KDM1B: variants seen among roughly 807,000 people sequenced by gnomAD.
KDM1B encodes the protein lysine demethylase 1B.
Under a neutral mutation model 107.4 loss-of-function variants are expected in KDM1B, and 63 were observed. The ratio of observed to expected loss-of-function variants is 0.59; its 90% CI spans 0.48 to 0.72. The LOEUF (loss-of-function observed/expected upper bound fraction) is 0.72, where lower values mean the gene tolerates loss of function less well. Among genes scored for constraint, KDM1B ranks in the 30% least tolerant of loss-of-function variants. The pLI is 0.00. For missense variants in KDM1B, 749 were observed against 1,020.8 expected, an observed-to-expected ratio of 0.73 and a Z score of 3.63; for synonymous variants, 363 against 363.9, an observed-to-expected ratio of 1.00 and a Z score of 0.03.
At chr6:18,202,451 G>A (rs957731509) in intron 14 of KDM1B, among the ~76,000 whole-genome samples, 4 of 152,050 alleles carry the variant, frequency 2.6e-5, no homozygotes, top group Non-Finnish European at 5.9e-5. Flanking sequence ...TACTTAAATG[G>A]GCAATATTAG....
rs1393127768 is a variant in KDM1B at position 18,172,227 on chromosome 6, T to A, written c.534+748T>A. Among the ~76,000 whole-genome samples, 1 of 152,202 alleles carries A rather than the reference T, an allele frequency of 6.6e-6. No homozygotes were observed. Among genetic ancestry groups the A allele is most frequent in the Non-Finnish European group, 1.5e-5 (1 of 68,034 alleles). On this transcript the variant is annotated intron_variant, in intron 7 of 21. Transcript: ENST00000650836. This position sits in a 1 kb window ranked among gnomAD's most constrained non-coding sequence, Gnocchi z 5.2. ...TGAAATTTGGCAATTACTTACTGTT[T>A]AAAAACCTATTATTATTGCTTTAGT...
Position 18,197,309 on chromosome 6 carries a change from A to G in KDM1B, c.1146+76A>G, listed in dbSNP as rs1333085205. ...CTAGTCTGTTGCTGTTAATAAATAT[A>G]GTAAAAGCCACATTATCACCATAAA... On this transcript the variant is annotated intron_variant, in intron 11 of 21. Coordinates refer to ENST00000650836, the MANE Select transcript of KDM1B (RefSeq NM_001364614.2). This position sits in a 1 kb window ranked among gnomAD's most constrained non-coding sequence, Gnocchi z 4.5. The G allele has an allele frequency of 6.1e-6, 8 of 1,315,458 alleles. No individual in the cohort carries two copies. The highest frequency in any genetic ancestry group is 8.4e-6 in the Non-Finnish European group (8 of 953,264). 81.5% of individuals were successfully genotyped at this position (1,315,458 alleles called of 1,614,324 possible).
chr6:18,199,027 AAAAAAAG>A (rs1262273007), intron 12 of KDM1B, among the ~76,000 whole-genome samples: 42 of 146,744 alleles, frequency 2.9e-4, no homozygotes, highest in African/African-American at 1.1e-3. Context: ...AAAAAAAAAA[AAAAAAAG>A]AAAAAAACAG....
intron 5 of KDM1B, among the ~76,000 whole-genome samples, chr6:18,163,765 C>T (rs1410371697): frequency 6.6e-6 from 1 of 152,132 alleles, no homozygotes; most frequent in Non-Finnish European, 1.5e-5. Context: ...TAGTTTAGTT[C>T]AGCAATGGTC....
rs191839338 is a variant in KDM1B at position 18,168,108 on chromosome 6, G to A, written c.417+1730G>A. ...ATAAGTAATGCTGAGCTTTGTGCAC[G>A]CTTAAAGATTTTTTCATTGAAGTAA... On this transcript the variant is annotated intron_variant, in intron 6 of 21. Coordinates refer to ENST00000650836, the MANE Select transcript of KDM1B (RefSeq NM_001364614.2). 4.6e-5 allele frequency among the ~76,000 whole-genome samples: 7 copies of A among 152,228 alleles called. No individual in the cohort carries two copies. The East Asian group carries it at 9.6e-4, about 21-fold the overall frequency.
At chr6:18,161,201 A>G in intron 3 of KDM1B, 126 bp from the exon 4 acceptor site, 2 of 763,990 alleles carry the variant, frequency 2.6e-6, no homozygotes, top group South Asian at 3.4e-5. Flanking sequence ...TGTCATCCCT[A>G]ACCTACTGCC....
intron 8 of KDM1B, among the ~76,000 whole-genome samples, chr6:18,187,323 G>A (rs1304564740): frequency 2.0e-5 from 3 of 152,208 alleles, no homozygotes; most frequent in South Asian, 4.1e-4. Flanking sequence ...TTGGCAAAAA[G>A]CGGTAATACT....
rs1561941528 is a variant in KDM1B at position 18,200,426 on chromosome 6, TC to T, written c.1222-12del. 6.2e-7 allele frequency: 1 copy of T among 1,612,592 alleles called. No individual in the cohort carries two copies. Among genetic ancestry groups the T allele is most frequent in the Non-Finnish European group, 8.5e-7 (1 of 1,179,390 alleles). ...GTGTCCTATTTAGCTTCCCTGACTG[TC>T]TGTCTTTTTAGGTGACTGTCCTGGA... On this transcript the variant is annotated splice_polypyrimidine_tract_variant and intron_variant, in intron 12 of 21. Transcript: ENST00000650836. This position sits in a 1 kb window ranked among gnomAD's most constrained non-coding sequence, Gnocchi z 4.3.
rs1253743583 is a variant in KDM1B at position 18,222,264 on chromosome 6, T to C, written c.*272T>C. On this transcript the variant is annotated 3_prime_UTR_variant, in exon 22 of 22. Transcript: ENST00000650836. ...GAATAAAGCAGAATGTAAGTTTCAG[T>C]TGAGGCCATGGATTTGATTGTTCCA... 7 of 543,196 alleles carry C rather than the reference T, an allele frequency of 1.3e-5. No homozygotes were observed. The highest frequency in any genetic ancestry group is 3.8e-5 in the African/African-American group (2 of 53,168). The allele number at this position is 543,196 out of a possible 1,614,324, so 33.6% of individuals were successfully genotyped here.
At chr6:18,188,052 C>T (rs1031565196) in intron 9 of KDM1B, 50 bp downstream of exon 9, 8 of 1,481,426 alleles carry the variant, frequency 5.4e-6, no homozygotes, top group Non-Finnish European at 7.4e-6. Flanking sequence ...GCTCCCCTCC[C>T]TGAGGAACGT....
chr6:18,157,661 T>C (rs1784709146), intron 2 of KDM1B, among the ~76,000 whole-genome samples: 1 of 151,302 alleles, frequency 6.6e-6, no homozygotes, highest in African/African-American at 2.4e-5. Context: ...AGGTATATTT[T>C]ATATATAAAT....
Position 18,185,844 on chromosome 6 carries a change from A to T in KDM1B, c.573+34A>T, listed in dbSNP as rs772991545. On this transcript the variant is annotated intron_variant, in intron 8 of 21. Transcript: ENST00000650836. ...TTCCGGATGGTGTGGATTGGGGTTA[A>T]TTGTGCCTTTGATGATAAGTGTTAC... is the stretch of plus-strand genomic sequence containing the variant. 28 of 1,601,168 alleles carry T rather than the reference A, an allele frequency of 1.7e-5. No individual in the cohort carries two copies. In the Admixed American group the frequency reaches 4.7e-4, roughly 27 times the overall value.
intron 8 of KDM1B, among the ~76,000 whole-genome samples, chr6:18,187,310 C>G (rs1264750803): frequency 6.6e-6 from 1 of 152,080 alleles, no homozygotes; most frequent in African/African-American, 2.4e-5. Context: ...TTTTTAGTAG[C>G]CTTTGGCAAA....
In KDM1B at chr6:18,212,408, C is replaced by T. The variant is rs1330150479; in HGVS notation, c.1867-80C>T. 1 of 866,660 alleles carries T rather than the reference C, an allele frequency of 1.2e-6. No individual in the cohort carries two copies. Among genetic ancestry groups the T allele is most frequent in the Non-Finnish European group, 2.0e-6 (1 of 501,860 alleles). 53.7% of individuals were successfully genotyped at this position (866,660 alleles called of 1,614,324 possible). On this transcript the variant is annotated intron_variant, in intron 17 of 21. Transcript: ENST00000650836. The surrounding 1 kb of genome is among the most constrained non-coding windows in gnomAD (Gnocchi z 5.2). ...GCCCTTGTTCTTGCCAGTATAACAGCATGGGTTGTTGATACCAGTGTAGTG... is the reference window on the plus strand; with the variant it reads ...GCCCTTGTTCTTGCCAGTATAACAGTATGGGTTGTTGATACCAGTGTAGTG...
chr6:18,181,228 A>G (rs1469939901), intron 7 of KDM1B, among the ~76,000 whole-genome samples: 1 of 152,192 alleles, frequency 6.6e-6, no homozygotes, highest in Non-Finnish European at 1.5e-5. Context: ...ATTCAAGAGT[A>G]TCTATATAGT....
chr6:18,189,954 G>A (rs961764995), intron 9 of KDM1B, among the ~76,000 whole-genome samples: 2 of 151,734 alleles, frequency 1.3e-5, no homozygotes, highest in Non-Finnish European at 2.9e-5. Flanking sequence ...GATCAGCCTG[G>A]CCAAAATGGT....
Position 18,191,120 on chromosome 6 carries a change from GT to G in KDM1B, c.785-74del. Reference sequence around the variant, plus strand: ...GGAGCTTGTCTAGGCTTACTTTTTGGTTTGCTTTTGCCCTTTAATTCTTCTG... The same window carrying G: ...GGAGCTTGTCTAGGCTTACTTTTTGGTTGCTTTTGCCCTTTAATTCTTCTG... On this transcript the variant is annotated intron_variant, in intron 9 of 21. Coordinates refer to ENST00000650836, the MANE Select transcript of KDM1B (RefSeq NM_001364614.2). This position sits in a 1 kb window ranked among gnomAD's most constrained non-coding sequence, Gnocchi z 5.1. The G allele has an allele frequency of 1.5e-6, 2 of 1,350,750 alleles. No individual in the cohort carries two copies. Among genetic ancestry groups the G allele is most frequent in the Non-Finnish European group, 2.0e-6 (2 of 988,320 alleles). 83.7% of individuals were successfully genotyped at this position (1,350,750 alleles called of 1,614,324 possible).
chr6:18,182,772 C>G (rs1786564766), intron 7 of KDM1B, among the ~76,000 whole-genome samples: 1 of 152,094 alleles, frequency 6.6e-6, no homozygotes, highest in South Asian at 2.1e-4. Flanking sequence ...CTCAAGTGAT[C>G]CTCCCACCTT....
Position 18,209,524 on chromosome 6 carries a change from C to T in KDM1B, c.1866+1318C>T, listed in dbSNP as rs571085919. Among the ~76,000 whole-genome samples the T allele has an allele frequency of 4.6e-5, 7 of 152,320 alleles. No homozygotes were observed. The highest frequency in any genetic ancestry group is 9.6e-5 in the African/African-American group (4 of 41,570). The stretch of plus-strand genomic sequence containing the variant: ...CTTGGGCAGCAATCCCCGGGCTGCA[C>T]GTCGGAACCACCTGGGAGGCGCTTA... On this transcript the variant is annotated intron_variant, in intron 17 of 21. Transcript: ENST00000650836. The surrounding 1 kb of genome is among the most constrained non-coding windows in gnomAD (Gnocchi z 4.3).
Sources: allele counts gnomAD v4.1 joint callset (sites outside exome capture counted in the v4.1 genomes callset), GRCh38; gene constraint gnomAD v4.1.1; non-coding constraint Gnocchi (gnomAD v3.1); transcripts MANE v1.5; gene names NCBI Gene and HGNC (gene_info 2026-07-23, HGNC 2026-07-21).